Variants in CUBN observed in about 807,000 individuals in gnomAD.
CUBN encodes the protein cubilin.
A neutral mutation model predicts 405.3 loss-of-function variants in CUBN; 282 were observed. That is an observed-to-expected ratio of 0.70 (90% confidence interval 0.63 to 0.77). CUBN has a LOEUF of 0.77. CUBN is among the 30% of genes least tolerant of loss of function. CUBN has a pLI of 0.00. For missense variants in CUBN, 4,514 were observed against 4,475.2 expected, an observed-to-expected ratio of 1.01 and a Z score of -0.25; for synonymous variants, 1,684 against 1,617.0, an observed-to-expected ratio of 1.04 and a Z score of -0.99.
At chr10:17,109,582 A>T (rs1836719575) in intron 10 of CUBN, 58 bp downstream of exon 10, 1 of 1,343,324 alleles carries the variant, frequency 7.4e-7, no homozygotes, top group African/African-American at 1.4e-5. Context: ...AAGATGTTGA[A>T]TTGGTTTAGA....
At chr10:16,963,366 T>C (rs1843293935) in intron 31 of CUBN, among the ~76,000 whole-genome samples, 1 of 151,742 alleles carries the variant, frequency 6.6e-6, no homozygotes, top group South Asian at 2.1e-4. Context: ...TTTGTATTTG[T>C]AGTAGGGACA....
intron 26 of CUBN, among the ~76,000 whole-genome samples, chr10:17,043,611 G>A (rs570746609): frequency 5.7e-4 from 87 of 152,270 alleles, no homozygotes; most frequent in African/African-American, 2.0e-3. Context: ...TCCCTCAAAT[G>A]GAGTTAAACG....
In CUBN at chr10:16,893,360, C is replaced by A. The variant is rs1166279735; in HGVS notation, c.8599-2833G>T. Among the ~76,000 whole-genome samples, 4 of 151,700 alleles carry A rather than the reference C, an allele frequency of 2.6e-5. No individual in the cohort carries two copies. The East Asian group carries it at 7.7e-4, about 29-fold the overall frequency. On this transcript the variant is annotated intron_variant, in intron 54 of 66. Transcript: ENST00000377833. Reference sequence around the variant, plus strand: ...CCAGGTTACTGGCATTGACATAACACCAATTTTACTCAGTTTCCTAGTTTT... The same window carrying A: ...CCAGGTTACTGGCATTGACATAACAACAATTTTACTCAGTTTCCTAGTTTT...
intron 26 of CUBN, 52 bp downstream of exon 26, chr10:17,043,775 T>TCACACTTACTCTGCCAGTATA: frequency 6.2e-7 from 1 of 1,607,782 alleles, no homozygotes. Flanking sequence ...CTGCTGGTAT[T>TCACACTTACTCTGCCAGTATA]CACACTTACT....
At chr10:16,915,004 G>A (rs1333757028) in intron 47 of CUBN, 28 bp downstream of exon 47, 2 of 1,603,010 alleles carry the variant, frequency 1.2e-6, no homozygotes, top group African/African-American at 2.7e-5. Flanking sequence ...GGTGCTCAAT[G>A]TTGTGTTGAA....
At chr10:16,886,634 C>T (rs1460831724) in intron 56 of CUBN, among the ~76,000 whole-genome samples, 5 of 152,270 alleles carry the variant, frequency 3.3e-5, no homozygotes, top group African/African-American at 9.6e-5. Context: ...CCTCTGCCAA[C>T]GGCCCATTCC....
chr10:16,929,027 G>A (rs1343129829), intron 40 of CUBN, among the ~76,000 whole-genome samples: 9 of 151,422 alleles, frequency 5.9e-5, no homozygotes. Flanking sequence ...TTGGCTCTTT[G>A]ACCTCAGATC....
chr10:16,921,068 G>C (rs1398478126), intron 43 of CUBN, among the ~76,000 whole-genome samples: 1 of 152,154 alleles, frequency 6.6e-6, no homozygotes, highest in Non-Finnish European at 1.5e-5. Flanking sequence ...TTCATTCATG[G>C]AAATTGATGC....
intron 48 of CUBN, among the ~76,000 whole-genome samples, chr10:16,908,730 G>A (rs532741183): frequency 6.6e-6 from 1 of 152,238 alleles, no homozygotes; most frequent in African/African-American, 2.4e-5. Context: ...TGAAATAACT[G>A]AACAATAATT....
intron 23 of CUBN, among the ~76,000 whole-genome samples, 162 bp downstream of exon 23, chr10:17,047,252 C>T (rs1439269213): frequency 6.6e-6 from 1 of 152,120 alleles, no homozygotes; most frequent in Non-Finnish European, 1.5e-5. Context: ...TGTATTTCTC[C>T]TAAGTCAGGC....
At position 16,996,612 on chromosome 10, in the gene CUBN, T is replaced by C. The variant is rs551522891; in HGVS notation, c.4169-6097A>G. 1.2e-4 allele frequency among the ~76,000 whole-genome samples: 14 copies of C among 113,244 alleles called. No homozygotes were observed. The South Asian group carries it at 4.2e-3, about 34-fold the overall frequency. 74.3% of individuals were successfully genotyped at this position (113,244 alleles called of 152,430 possible). A position where few individuals can be genotyped will look rare whatever the true frequency, so the allele number is the denominator to read the frequency against. ...TATGTAGGTACTATCTTTAAGTTCG[T>C]ATCTGTGTGTTTTTAATAAGAGCTT... On this transcript the variant is annotated intron_variant, in intron 28 of 66. Coordinates refer to ENST00000377833, the MANE Select transcript of CUBN (RefSeq NM_001081.4).
chr10:17,047,080 T>A (rs1000065646), intron 23 of CUBN, among the ~76,000 whole-genome samples: 2 of 152,178 alleles, frequency 1.3e-5, no homozygotes, highest in Admixed American at 6.5e-5. Flanking sequence ...AAAATTTACA[T>A]CGATTTTACA....
chr10:17,067,797 A>C (rs1835645485), intron 21 of CUBN, among the ~76,000 whole-genome samples: 1 of 152,130 alleles, frequency 6.6e-6, no homozygotes, highest in African/African-American at 2.4e-5. Flanking sequence ...AAAAGCAAGG[A>C]ATTATAACGG....
At chr10:16,924,182 T>C (rs747619869) in intron 43 of CUBN, among the ~76,000 whole-genome samples, 4 of 152,204 alleles carry the variant, frequency 2.6e-5, no homozygotes, top group Non-Finnish European at 5.9e-5. Context: ...CTGCTACTCT[T>C]GAAATGCTTT....
intron 27 of CUBN, among the ~76,000 whole-genome samples, chr10:17,022,630 C>T (rs1834529217): frequency 6.6e-6 from 1 of 152,208 alleles, no homozygotes; most frequent in Non-Finnish European, 1.5e-5. Context: ...AGAGGCCAAC[C>T]TTGCAGCCTG....
rs1313411150 is a variant in CUBN at position 16,990,334 on chromosome 10, C to CA, written c.4349_4350insT (p.Glu1450AspfsTer23). 1.9e-6 allele frequency: 3 copies of CA among 1,614,072 alleles called. No individual in the cohort carries two copies. In the African/African-American group the frequency reaches 4.0e-5, roughly 22 times the overall value. ...CTGAAAAAACCATCTCACTTCCTACCTCCAAGACATCAAAGTTGCACCTTG... is the reference window on the plus strand; with the variant it reads ...CTGAAAAAACCATCTCACTTCCTACCATCCAAGACATCAAAGTTGCACCTTG... On this transcript the variant is annotated frameshift_variant and splice_region_variant, in exon 29 of 67. Transcript: ENST00000377833. LOFTEE classifies it high-confidence loss of function.
chr10:17,040,003 C>T (rs1834981923), intron 27 of CUBN, among the ~76,000 whole-genome samples: 1 of 152,124 alleles, frequency 6.6e-6, no homozygotes, highest in Non-Finnish European at 1.5e-5. Context: ...CCAACCTCAA[C>T]CAATGCTAGT....
intron 21 of CUBN, among the ~76,000 whole-genome samples, chr10:17,066,159 C>T (rs1244953490): frequency 6.6e-6 from 1 of 152,084 alleles, no homozygotes; most frequent in Non-Finnish European, 1.5e-5. Flanking sequence ...ACAATCGTAA[C>T]CCCTATAGAG....
intron 19 of CUBN, among the ~76,000 whole-genome samples, chr10:17,070,782 A>C (rs1322209680): frequency 1.3e-5 from 2 of 152,136 alleles, no homozygotes; most frequent in Admixed American, 6.5e-5. Context: ...ATGATTTCCT[A>C]TATACAAGGT....
Sources: allele counts gnomAD v4.1 joint callset (sites outside exome capture counted in the v4.1 genomes callset), GRCh38; gene constraint gnomAD v4.1.1; transcripts MANE v1.5; gene names NCBI Gene and HGNC (gene_info 2026-07-23, HGNC 2026-07-21).